The following AJAP1 variants were observed in gnomAD, a reference collection of about 807,000 sequenced individuals.
The protein encoded by AJAP1 is adherens junction-associated protein 1.
Under a neutral mutation model 35.0 loss-of-function variants are expected in AJAP1, and 5 were observed. That is an observed-to-expected ratio of 0.14 (90% CI 0.07 to 0.30). AJAP1 has a LOEUF of 0.30. AJAP1 is among the 10% of genes least tolerant of loss of function. The pLI is 1.00. For synonymous variants in AJAP1, 284 were observed against 249.3 expected, an observed-to-expected ratio of 1.14 and a Z score of -1.31; for missense variants, 586 against 571.0, an observed-to-expected ratio of 1.03 and a Z score of -0.27.
At chr1:4,716,757 GTGA>G (rs1187614054) in intron 2 of AJAP1, among the ~76,000 whole-genome samples, 2 of 151,772 alleles carry the variant, frequency 1.3e-5, no homozygotes, top group Admixed American at 1.3e-4. Flanking sequence ...AATAGAGATA[GTGA>G]TGATAGTGAT....
At chr1:4,667,379 G>A (rs879746566) in intron 1 of AJAP1, among the ~76,000 whole-genome samples, 6 of 152,046 alleles carry the variant, frequency 3.9e-5, no homozygotes, top group South Asian at 2.1e-4. Flanking sequence ...CTGCCCCTCC[G>A]TGGGGACCTT....
At chr1:4,776,576 A>C (rs1290496127) in intron 5 of AJAP1, among the ~76,000 whole-genome samples, 1 of 152,182 alleles carries the variant, frequency 6.6e-6, no homozygotes, top group Non-Finnish European at 1.5e-5. Context: ...TAGGGCAAAA[A>C]AAAGTGTTTT....
intron 3 of AJAP1, among the ~76,000 whole-genome samples, chr1:4,771,609 C>T (rs1004643150): frequency 5.3e-5 from 8 of 152,126 alleles, no homozygotes; most frequent in African/African-American, 1.7e-4. Flanking sequence ...CCTGGACAGA[C>T]GAGGGTAGGA....
At chr1:4,679,366 G>A (rs117954819) in intron 1 of AJAP1, among the ~76,000 whole-genome samples, 4,163 of 152,106 alleles carry the variant, frequency 0.027, 116 homozygotes, top group South Asian at 0.075. Flanking sequence ...GCAGGCACAG[G>A]AGAAATATCT....
intron 2 of AJAP1, 149 bp from the exon 3 acceptor site, chr1:4,769,704 C>G: frequency 1.4e-6 from 1 of 715,184 alleles, no homozygotes; most frequent in Non-Finnish European, 2.5e-6. Flanking sequence ...GAGAACTGAG[C>G]ACCTGTCATG....
At chr1:4,727,694 A>G (rs991209608) in intron 2 of AJAP1, among the ~76,000 whole-genome samples, 2 of 152,176 alleles carry the variant, frequency 1.3e-5, no homozygotes, top group African/African-American at 4.8e-5. Flanking sequence ...TGGGGCCGTG[A>G]CCTGCCCCTA....
intron 2 of AJAP1, among the ~76,000 whole-genome samples, chr1:4,745,603 T>A (rs775395300): frequency 1.3e-5 from 2 of 152,198 alleles, no homozygotes; most frequent in Non-Finnish European, 2.9e-5. Flanking sequence ...TAGCTGGTGC[T>A]TAGGAATGAA....
chr1:4,706,762 C>T (rs1331486361), intron 1 of AJAP1, among the ~76,000 whole-genome samples: 1 of 152,242 alleles, frequency 6.6e-6, no homozygotes, highest in African/African-American at 2.4e-5. Context: ...TGATTTTCTT[C>T]TGTGAAGAAA....
chr1:4,701,442 A>G (rs902430541), intron 1 of AJAP1, among the ~76,000 whole-genome samples: 5 of 152,176 alleles, frequency 3.3e-5, no homozygotes, highest in Non-Finnish European at 1.5e-5. Flanking sequence ...TAGGTCAGCC[A>G]TGGAGAGCTG....
At position 4,749,638 on chromosome 1, in the gene AJAP1, C is replaced by T. The variant is rs572951749; in HGVS notation, c.830-20215C>T. 2.0e-5 allele frequency among the ~76,000 whole-genome samples: 3 copies of T among 152,348 alleles called. No homozygotes were observed. In the East Asian group the frequency reaches 5.8e-4, roughly 29 times the overall value. On this transcript the variant is annotated intron_variant, in intron 2 of 5. Transcript: ENST00000378191. ...CAAACCAGTGTATTTGGTGCATCTC[C>T]CTCATCACCGGGAGCTGTGCACAGA...
At chr1:4,739,470 C>A (rs1390876180) in intron 2 of AJAP1, among the ~76,000 whole-genome samples, 2 of 152,208 alleles carry the variant, frequency 1.3e-5, no homozygotes, top group Non-Finnish European at 2.9e-5. Flanking sequence ...CTCCTTGCCA[C>A]CTTCTGAGCT....
At chr1:4,766,333 T>C (rs774853453) in intron 2 of AJAP1, among the ~76,000 whole-genome samples, 1 of 152,190 alleles carries the variant, frequency 6.6e-6, no homozygotes, top group African/African-American at 2.4e-5. Context: ...GGGATCCACA[T>C]GAAGATTTAC....
At chr1:4,774,232 A>G (rs1294490941) in intron 4 of AJAP1, among the ~76,000 whole-genome samples, 195 bp from the exon 5 acceptor site, 1 of 152,162 alleles carries the variant, frequency 6.6e-6, no homozygotes, top group Admixed American at 6.5e-5. Context: ...CCCAGGGTAG[A>G]AAGCATTCGT....
chr1:4,740,225 C>A (rs1242941523), intron 2 of AJAP1, among the ~76,000 whole-genome samples: 2 of 151,502 alleles, frequency 1.3e-5, no homozygotes, highest in African/African-American at 4.9e-5. Flanking sequence ...TGTGGCTGAA[C>A]CTTGAGGACA....
chr1:4,720,336 A>T lies in AJAP1; in HGVS notation c.829+7637A>T, dbSNP rs899047998. 6.6e-6 allele frequency among the ~76,000 whole-genome samples: 1 copy of T among 152,248 alleles called. No individual in the cohort carries two copies. Among genetic ancestry groups the T allele is most frequent in the African/African-American group, 2.4e-5 (1 of 41,470 alleles). On this transcript the variant is annotated intron_variant, in intron 2 of 5. Transcript: ENST00000378191. This position sits in a 1 kb window ranked among gnomAD's most constrained non-coding sequence, Gnocchi z 4.4. Reference sequence around the variant, plus strand: ...GACGTGATGATGCAAAATAAAGGGAAAAAGCCTCCCTTTCCAGAAGTTTCT... The same window carrying T: ...GACGTGATGATGCAAAATAAAGGGATAAAGCCTCCCTTTCCAGAAGTTTCT...
chr1:4,665,229 A>G (rs1408235270), intron 1 of AJAP1, among the ~76,000 whole-genome samples: 2 of 152,136 alleles, frequency 1.3e-5, no homozygotes, highest in Non-Finnish European at 2.9e-5. Context: ...TATGCGAGAC[A>G]AGAGTAAGCA....
At chr1:4,729,328 T>TG (rs1458396162) in intron 2 of AJAP1, among the ~76,000 whole-genome samples, 1 of 152,152 alleles carries the variant, frequency 6.6e-6, no homozygotes, top group African/African-American at 2.4e-5. Context: ...ACCTGGGGCC[T>TG]GGGGGTCCAG....
chr1:4,697,609 G>A (rs1191997597), intron 1 of AJAP1, among the ~76,000 whole-genome samples: 1 of 152,234 alleles, frequency 6.6e-6, no homozygotes, highest in Non-Finnish European at 1.5e-5. Flanking sequence ...CCACAGGCTG[G>A]TGCCAGGTCC....
chr1:4,687,693 T>C (rs1639639723), intron 1 of AJAP1, among the ~76,000 whole-genome samples: 1 of 152,184 alleles, frequency 6.6e-6, no homozygotes, highest in Non-Finnish European at 1.5e-5. Context: ...TGAACGTCCC[T>C]GTCACTCTGA....
Sources: gnomAD v4.1 joint callset for allele counts (sites outside exome capture counted in the v4.1 genomes callset) on GRCh38, gnomAD v4.1.1 for gene constraint, Gnocchi (gnomAD v3.1) non-coding constraint, MANE v1.5 for transcripts, NCBI Gene and HGNC (gene_info 2026-07-23, HGNC 2026-07-21) for gene names.